The following DNAJC12 variants were observed in gnomAD, a reference collection of about 807,000 sequenced individuals.
The protein encoded by DNAJC12 is DnaJ heat shock protein family (Hsp40) member C12.
DNAJC12 carries 25 observed loss-of-function variants against 28.5 expected under a neutral mutation model. The observed-to-expected ratio is 0.88, with a 90% CI of 0.64 to 1.22. DNAJC12 has a LOEUF of 1.22. Ranked by LOEUF, DNAJC12 falls within the 50% of genes most tolerant of loss-of-function variation. The pLI is 0.00. For synonymous variants in DNAJC12, 77 were observed against 80.6 expected (o/e 0.95, Z 0.24); for missense variants, 222 against 231.7 (o/e 0.96, Z 0.27).
intron 2 of DNAJC12, among the ~76,000 whole-genome samples, chr10:67,820,225 T>C (rs1002814492): frequency 3.3e-5 from 5 of 152,090 alleles, no homozygotes; most frequent in Non-Finnish European, 5.9e-5. Context: ...ATTCTAGGCA[T>C]GGTGAAGGAG....
chr10:67,816,102 G>C (rs1280438953), intron 2 of DNAJC12: 1 of 398,360 alleles, frequency 2.5e-6, no homozygotes, highest in Non-Finnish European at 4.4e-6. Context: ...TGGAAGTCTT[G>C]CGAGACATTC....
intron 1 of DNAJC12, among the ~76,000 whole-genome samples, chr10:67,828,309 A>G (rs749303678): frequency 6.6e-6 from 1 of 152,146 alleles, no homozygotes; most frequent in South Asian, 2.1e-4. Context: ...CTATCTCTCT[A>G]TATATAGATA....
intron 4 of DNAJC12, among the ~76,000 whole-genome samples, chr10:67,801,870 T>G (rs1159944316): frequency 8.9e-5 from 11 of 123,094 alleles, no homozygotes; most frequent in African/African-American, 3.9e-4. Context: ...TTTTTTTTTT[T>G]TGACACGGAG....
chr10:67,801,715 A>AGGAGGT (rs1841746243), intron 4 of DNAJC12, among the ~76,000 whole-genome samples: 1 of 150,258 alleles, frequency 6.7e-6, no homozygotes, highest in Non-Finnish European at 1.5e-5. Context: ...TCTTGAACCC[A>AGGAGGT]GGAGGTGGAG....
Position 67,814,773 on chromosome 10 carries a change from TAGTCCTTC to T in DNAJC12, c.158-3118_158-3111del, listed in dbSNP as rs1416921757. On this transcript the variant is annotated intron_variant, in intron 2 of 4. Coordinates refer to ENST00000225171, the MANE Select transcript of DNAJC12 (RefSeq NM_021800.3). ...CACCTGAAAATATCCTGAACAGTAT[TAGTCCTTC>T]AGGAAATACAAATCAAAACCATAGT... is the stretch of plus-strand genomic sequence containing the variant. Among the ~76,000 whole-genome samples the T allele has an allele frequency of 3.9e-5, 6 of 152,170 alleles. No individual in the cohort carries two copies. In the East Asian group the frequency reaches 1.2e-3, roughly 29 times the overall value.
chr10:67,811,726 T>C (rs1841862858), intron 2 of DNAJC12, 63 bp from the exon 3 acceptor site: 8 of 1,560,758 alleles, frequency 5.1e-6, no homozygotes, highest in African/African-American at 1.4e-5. Flanking sequence ...ACTCCAAAAC[T>C]ATCCAACTGC....
chr10:67,837,940 T>C lies in DNAJC12; in HGVS notation c.72A>G (p.Leu24=). The change falls in exon 1 of 5, where the codon CTA becomes CTG. Residue 24 remains leucine, a synonymous_variant. Coordinates refer to ENST00000225171, the MANE Select transcript of DNAJC12 (RefSeq NM_021800.3). The part of the protein sequence containing the change: ...DYYTLLGCDE[L]SSVEQILAEF... ...ATATTATCCACTGTCTTACCGAAGA[T>C]AGTTCATCACATCCCAGTAATGTGT... The C allele has an allele frequency of 6.3e-7, 1 of 1,594,452 alleles. No homozygotes were observed. Among genetic ancestry groups the C allele is most frequent in the Admixed American group, 1.7e-5 (1 of 58,164 alleles).
At position 67,801,499 on chromosome 10, in the gene DNAJC12, A is replaced by G. The variant is rs183530840; in HGVS notation, c.502+4084T>C. On this transcript the variant is annotated intron_variant, in intron 4 of 4. Transcript: ENST00000225171. ...TCTCCAACAACAGCTTTTTAGAACA[A>G]TGATTCCCAGTTGGATGCAATGGCT... Among the ~76,000 whole-genome samples the G allele has an allele frequency of 8.3e-4, 126 of 152,284 alleles. 2 individuals carry two copies. Among genetic ancestry groups the G allele is most frequent in the East Asian group, 5.8e-4 (3 of 5,180 alleles).
At chr10:67,836,832 A>C (rs1484379214) in intron 1 of DNAJC12, among the ~76,000 whole-genome samples, 1 of 151,960 alleles carries the variant, frequency 6.6e-6, no homozygotes, top group African/African-American at 2.4e-5. Flanking sequence ...TTTATGAAAC[A>C]ACAATAAATA....
intron 1 of DNAJC12, among the ~76,000 whole-genome samples, chr10:67,828,710 C>G (rs576707504): frequency 6.6e-6 from 1 of 151,420 alleles, no homozygotes; most frequent in East Asian, 1.9e-4. Flanking sequence ...ATATGAAGAG[C>G]CTTTAATTTA....
chr10:67,831,405 A>G (rs1484651929), intron 1 of DNAJC12, among the ~76,000 whole-genome samples: 1 of 152,156 alleles, frequency 6.6e-6, no homozygotes, highest in Non-Finnish European at 1.5e-5. Flanking sequence ...AAACTTAGAA[A>G]CTTATCTTTT....
chr10:67,809,811 G>A (rs1010276585), intron 3 of DNAJC12, among the ~76,000 whole-genome samples: 2 of 152,122 alleles, frequency 1.3e-5, no homozygotes, highest in Non-Finnish European at 2.9e-5. Context: ...CATACAGAGT[G>A]GTATAATATA....
chr10:67,831,123 G>A (rs1217999167), intron 1 of DNAJC12, among the ~76,000 whole-genome samples: 1 of 152,224 alleles, frequency 6.6e-6, no homozygotes, highest in Non-Finnish European at 1.5e-5. Flanking sequence ...GGGAGGCAGA[G>A]GTTGCAGTGA....
intron 1 of DNAJC12, among the ~76,000 whole-genome samples, chr10:67,837,218 A>G (rs1208358201): frequency 1.3e-5 from 2 of 152,042 alleles, no homozygotes; most frequent in East Asian, 3.8e-4. Flanking sequence ...AAGAATATAC[A>G]TAGAAAGAAT....
chr10:67,834,130 T>C (rs976883349), intron 1 of DNAJC12: 1 of 431,072 alleles, frequency 2.3e-6, no homozygotes, highest in Non-Finnish European at 4.7e-6. Flanking sequence ...AGTTTATGTA[T>C]ATGAGTACCA....
intron 1 of DNAJC12, among the ~76,000 whole-genome samples, chr10:67,825,151 A>C (rs1178492211): frequency 2.0e-5 from 3 of 152,238 alleles, no homozygotes; most frequent in African/African-American, 4.8e-5. Flanking sequence ...TAGCGCACTT[A>C]ACACAAAACC....
chr10:67,802,101 C>T (rs1459782045), intron 4 of DNAJC12, among the ~76,000 whole-genome samples: 7 of 151,814 alleles, frequency 4.6e-5, no homozygotes, highest in Non-Finnish European at 1.0e-4. Flanking sequence ...TGGACTCAAG[C>T]GATCCTCCCA....
chr10:67,834,095 G>A (rs542411167), intron 1 of DNAJC12: 2 of 457,078 alleles, frequency 4.4e-6, no homozygotes, highest in South Asian at 1.6e-5. Flanking sequence ...TGAAGTAAAT[G>A]TATGATGAAT....
intron 4 of DNAJC12, among the ~76,000 whole-genome samples, chr10:67,800,820 C>T (rs914230057): frequency 4.6e-5 from 7 of 151,812 alleles, no homozygotes; most frequent in South Asian, 2.1e-4. Flanking sequence ...TGGCAGGTGC[C>T]GTAATCCCAG....
Sources: allele counts gnomAD v4.1 joint callset (sites outside exome capture counted in the v4.1 genomes callset), GRCh38; gene constraint gnomAD v4.1.1; transcripts MANE v1.5; gene names NCBI Gene and HGNC (gene_info 2026-07-23, HGNC 2026-07-21).